Variants in TCF15 observed in about 807,000 individuals in gnomAD.
TCF15 encodes the protein transcription factor 15, also known as TCF-15.
Under a neutral mutation model 11.1 loss-of-function variants are expected in TCF15, and 7 were observed. The observed-to-expected ratio is 0.63, with a 90% CI of 0.36 to 1.19. The LOEUF is 1.19. TCF15 is among the 50% of genes most tolerant of loss of function. TCF15 has a pLI of 0.02. For synonymous variants in TCF15, 144 were observed against 138.9 expected, an observed-to-expected ratio of 1.04 and a Z score of -0.26; for missense variants, 288 against 289.4, an observed-to-expected ratio of 1.00 and a Z score of 0.03.
intron 1 of TCF15, among the ~76,000 whole-genome samples, chr20:608,440 C>T (rs2122241702): frequency 6.6e-6 from 1 of 152,346 alleles, no homozygotes; most frequent in East Asian, 1.9e-4. Context: ...TAAAGGCCCA[C>T]TCCTGGCTTC....
rs906309477 is a variant in TCF15 at position 604,264 on chromosome 20, T to C, written c.*327A>G. The C allele has an allele frequency of 2.7e-6, 1 of 370,854 alleles. No homozygotes were observed. Among genetic ancestry groups the C allele is most frequent in the Non-Finnish European group, 5.0e-6 (1 of 199,558 alleles). 23.0% of individuals were successfully genotyped at this position (370,854 alleles called of 1,614,324 possible). A position where few individuals can be genotyped will look rare whatever the true frequency, so the allele number is the denominator to read the frequency against. ...TCAGCTCAGAACGACGTCTTTTATT[T>C]AAAAATAGCTTTTATTTTAAACTCA... is the stretch of plus-strand genomic sequence containing the variant. On this transcript the variant is annotated 3_prime_UTR_variant, in exon 2 of 2. Coordinates refer to ENST00000246080, the MANE Select transcript of TCF15 (RefSeq NM_004609.4). The surrounding 1 kb of genome is among the most constrained non-coding windows in gnomAD (Gnocchi z 4.2).
At chr20:608,995 C>G (rs1267878803) in intron 1 of TCF15, among the ~76,000 whole-genome samples, 2 of 152,156 alleles carry the variant, frequency 1.3e-5, no homozygotes, top group East Asian at 1.9e-4. Flanking sequence ...AGCTGCACAC[C>G]AGCTCCCTCC....
Position 609,988 on chromosome 20 carries a change from G to A in TCF15, c.250C>T (p.Arg84Cys). 1.4e-6 allele frequency: 2 copies of A among 1,392,188 alleles called. No individual in the cohort carries two copies. The highest frequency in any genetic ancestry group is 1.5e-5 in the African/African-American group (1 of 67,828). 86.2% of individuals were successfully genotyped at this position (1,392,188 alleles called of 1,614,324 possible). A position where few individuals can be genotyped will look rare whatever the true frequency, so the allele number is the denominator to read the frequency against. ...RQAANARERDRTQSVNTAFTA... is the reference protein window; with the variant it reads ...RQAANARERDCTQSVNTAFTA... ...AAGGCCGTGTTCACGCTCTGAGTGC[G>A]GTCCCGCTCCCGCGCGTTGGCCGCC... Residue 84 changes from arginine to cysteine, a missense_variant, in exon 1 of 2, where the codon CGC (arginine) becomes TGC (cysteine). By Grantham distance (180) the Arg-to-Cys change is radical. Coordinates refer to ENST00000246080, the MANE Select transcript of TCF15 (RefSeq NM_004609.4). This position sits in a 1 kb window ranked among gnomAD's most constrained non-coding sequence, Gnocchi z 4.7.
At chr20:607,889 T>C (rs541105646) in intron 1 of TCF15, among the ~76,000 whole-genome samples, 1 of 152,312 alleles carries the variant, frequency 6.6e-6, no homozygotes, top group Admixed American at 6.5e-5. Context: ...TGTTGCAGGA[T>C]TTTAATGATA....
rs45584232 is a variant in TCF15 at position 608,474 on chromosome 20, A to AG, written c.525+1238dup. The stretch of plus-strand genomic sequence containing the variant: ...TCTCAGCCCAGCCTGGGGCACTGAC[A>AG]GGGGCCCACAGCTGGGAGCAGCAGG... On this transcript the variant is annotated intron_variant, in intron 1 of 1. Coordinates refer to ENST00000246080, the MANE Select transcript of TCF15 (RefSeq NM_004609.4). Among the ~76,000 whole-genome samples the AG allele has an allele frequency of 4.0e-3, 608 of 152,348 alleles. 3 individuals carry two copies. Among genetic ancestry groups the AG allele is most frequent in the African/African-American group, 0.014 (583 of 41,576 alleles).
At position 604,418 on chromosome 20, in the gene TCF15, C is replaced by A; in HGVS notation, c.*173G>T. The A allele has an allele frequency of 1.5e-6, 1 of 650,834 alleles. No homozygotes were observed. Among genetic ancestry groups the A allele is most frequent in the Non-Finnish European group, 2.7e-6 (1 of 365,622 alleles). The allele number at this position is 650,834 out of a possible 1,614,324, so 40.3% of individuals were successfully genotyped here. On this transcript the variant is annotated 3_prime_UTR_variant, in exon 2 of 2. Coordinates refer to ENST00000246080, the MANE Select transcript of TCF15 (RefSeq NM_004609.4). The surrounding 1 kb of genome is among the most constrained non-coding windows in gnomAD (Gnocchi z 4.2). ...CAGAGCTGGGCAGGCTGAATGGATC[C>A]TCACAGCTCTCCAGGATCGGGTGGA...
chr20:609,619 G>C lies in TCF15; in HGVS notation c.525+94C>G, dbSNP rs1276377071. On this transcript the variant is annotated intron_variant, in intron 1 of 1. Coordinates refer to ENST00000246080, the MANE Select transcript of TCF15 (RefSeq NM_004609.4). This position sits in a 1 kb window ranked among gnomAD's most constrained non-coding sequence, Gnocchi z 4.7. ...TTCCACGTCGCTTCCCCCTGGCCTC[G>C]TTGGGGACCCCTGCACCTCTCCGGT... The C allele has an allele frequency of 1.6e-6, 2 of 1,283,126 alleles. No individual in the cohort carries two copies. Among genetic ancestry groups the C allele is most frequent in the Admixed American group, 4.2e-5 (1 of 23,600 alleles). 79.5% of individuals were successfully genotyped at this position (1,283,126 alleles called of 1,614,324 possible).
rs1050491665 is a variant in TCF15, at chr20:609,918, T to C, written c.320A>G (p.Lys107Arg). The C allele has an allele frequency of 1.1e-5, 17 of 1,523,246 alleles. No individual in the cohort carries two copies. The Admixed American group carries it at 3.0e-4, about 27-fold the overall frequency. 94.4% of individuals were successfully genotyped at this position (1,523,246 alleles called of 1,614,324 possible). A position where few individuals can be genotyped will look rare whatever the true frequency, so the allele number is the denominator to read the frequency against. ...GCGCACGGTCTCGATCTTGGACAGC[T>C]TGCGGTCCACCGGCTCGGTGGGGAT... is the stretch of plus-strand genomic sequence containing the variant. The part of the protein sequence containing the change: ...TLIPTEPVDR[K>R]LSKIETVRLA... Residue 107 changes from lysine (K) to arginine (R), a missense_variant, in exon 1 of 2, where the codon AAG (lysine) becomes AGG (arginine). By Grantham distance (26) the Lys-to-Arg change is conservative (BLOSUM62 2). Transcript: ENST00000246080. This position sits in a 1 kb window ranked among gnomAD's most constrained non-coding sequence, Gnocchi z 4.7.
chr20:606,735 T>C (rs969125139), intron 1 of TCF15, among the ~76,000 whole-genome samples: 6 of 151,890 alleles, frequency 4.0e-5, no homozygotes, highest in African/African-American at 1.2e-4. Context: ...GGAGAACTGC[T>C]TGAACCCGGG....
At chr20:606,586 G>A (rs2019976994) in intron 1 of TCF15, among the ~76,000 whole-genome samples, 1 of 152,154 alleles carries the variant, frequency 6.6e-6, no homozygotes, top group Admixed American at 6.5e-5. Context: ...GGAGGCCGAG[G>A]CAGGCGGATC....
chr20:606,411 C>G (rs2019975198), intron 1 of TCF15, among the ~76,000 whole-genome samples: 1 of 152,184 alleles, frequency 6.6e-6, no homozygotes, highest in African/African-American at 2.4e-5. Flanking sequence ...TGTTCACCTC[C>G]CTGAACCTCA....
At chr20:607,092 G>T (rs912025120) in intron 1 of TCF15, among the ~76,000 whole-genome samples, 1 of 152,196 alleles carries the variant, frequency 6.6e-6, no homozygotes, top group Non-Finnish European at 1.5e-5. Flanking sequence ...TGGGAACAAA[G>T]TAAATGTTCA....
intron 1 of TCF15, among the ~76,000 whole-genome samples, chr20:607,907 A>C (rs1323622166): frequency 6.6e-6 from 1 of 152,210 alleles, no homozygotes. Context: ...ATAAATCATA[A>C]AGAGCGCTTA....
At chr20:605,793 A>C (rs929952958) in intron 1 of TCF15, among the ~76,000 whole-genome samples, 3 of 152,228 alleles carry the variant, frequency 2.0e-5, no homozygotes, top group Non-Finnish European at 4.4e-5. Context: ...TAAGCCAGAG[A>C]GGTCACAGAT....
At position 609,286 on chromosome 20, in the gene TCF15, T is replaced by C. The variant is rs1369298455; in HGVS notation, c.525+427A>G. ...GGGCAGGTGATCCCATCTCTGATGC[T>C]CAGATCCTCATCAGGATAAAATGGG... is the stretch of plus-strand genomic sequence containing the variant. On this transcript the variant is annotated intron_variant, in intron 1 of 1. Transcript: ENST00000246080. The surrounding 1 kb of genome is among the most constrained non-coding windows in gnomAD (Gnocchi z 4.7). Among the ~76,000 whole-genome samples, 2 of 152,174 alleles carry C rather than the reference T, an allele frequency of 1.3e-5. No homozygotes were observed. Among genetic ancestry groups the C allele is most frequent in the East Asian group, 3.9e-4 (2 of 5,192 alleles).
chr20:609,941 G>T lies in TCF15; in HGVS notation c.297C>A (p.Ile99=). The change falls in exon 1 of 2, where the codon ATC becomes ATA. Residue 99 remains isoleucine (I), a synonymous_variant. Transcript: ENST00000246080. This position sits in a 1 kb window ranked among gnomAD's most constrained non-coding sequence, Gnocchi z 4.7. ...NTAFTALRTL[I]PTEPVDRKLS... is the part of the protein sequence containing the mutation. ...GCTTGCGGTCCACCGGCTCGGTGGG[G>T]ATGAGCGTGCGCAGCGCCGTGAAGG... The T allele has an allele frequency of 6.6e-7, 1 of 1,507,656 alleles. No homozygotes were observed. The highest frequency in any genetic ancestry group is 8.8e-7 in the Non-Finnish European group (1 of 1,136,944). The allele number at this position is 1,507,656 out of a possible 1,614,324, so 93.4% of individuals were successfully genotyped here. A position where few individuals can be genotyped will look rare whatever the true frequency, so the allele number is the denominator to read the frequency against.
chr20:605,824 G>A (rs2019969487), intron 1 of TCF15, among the ~76,000 whole-genome samples: 1 of 152,194 alleles, frequency 6.6e-6, no homozygotes. Context: ...CCCCTCTTTT[G>A]AGGCCTCCAG....
chr20:609,068 G>A lies in TCF15; in HGVS notation c.525+645C>T, dbSNP rs1235492375. On this transcript the variant is annotated intron_variant, in intron 1 of 1. Coordinates refer to ENST00000246080, the MANE Select transcript of TCF15 (RefSeq NM_004609.4). This position sits in a 1 kb window ranked among gnomAD's most constrained non-coding sequence, Gnocchi z 4.7. ...TTTTGGGGGCTGGGGACTCTCAGAG[G>A]GCCCCTTCTTCACTCCTACTGCTCA... Among the ~76,000 whole-genome samples, 1 of 152,012 alleles carries A rather than the reference G, an allele frequency of 6.6e-6. No individual in the cohort carries two copies. The highest frequency in any genetic ancestry group is 1.5e-5 in the Non-Finnish European group (1 of 67,984).
intron 1 of TCF15, among the ~76,000 whole-genome samples, chr20:606,451 T>C (rs2019975428): frequency 6.6e-6 from 1 of 152,082 alleles, no homozygotes; most frequent in African/African-American, 2.4e-5. Context: ...GGGGACAAAA[T>C]GATTTTACTT....
Sources: gnomAD v4.1 joint callset for allele counts (sites outside exome capture counted in the v4.1 genomes callset) on GRCh38, gnomAD v4.1.1 for gene constraint, Gnocchi (gnomAD v3.1) non-coding constraint, MANE v1.5 for transcripts, NCBI Gene and HGNC (gene_info 2026-07-23, HGNC 2026-07-21) for gene names.